SLC7A14: variants seen among roughly 807,000 people sequenced by gnomAD.
The protein encoded by SLC7A14 is solute carrier family 7 member 14.
In SLC7A14, 37 loss-of-function variants were observed where a neutral mutation model predicts 60.2. The observed-to-expected ratio is 0.61, with a 90% CI of 0.47 to 0.81. SLC7A14 has a LOEUF of 0.81. Among genes scored for constraint, SLC7A14 ranks in the 30% least tolerant of loss-of-function variants. The probability of loss-of-function intolerance (pLI) is 0.00; values close to 1 mark genes in which losing one functional copy is unlikely to be tolerated. For missense variants in SLC7A14, 886 were observed against 982.7 expected, an observed-to-expected ratio of 0.90 and a Z score of 1.32; for synonymous variants, 399 against 395.8, an observed-to-expected ratio of 1.01 and a Z score of -0.10.
chr3:170,496,047 A>C, intron 4 of SLC7A14: 2 of 1,260,972 alleles, frequency 1.6e-6, no homozygotes, highest in South Asian at 2.4e-5. Flanking sequence ...AGCTTACATG[A>C]ACAAGGCAGA....
Position 170,498,705 on chromosome 3 carries a change from A to G in SLC7A14, c.721T>C (p.Trp241Arg), listed in dbSNP as rs764221640. The G allele has an allele frequency of 1.2e-6, 2 of 1,614,086 alleles. No individual in the cohort carries two copies. The highest frequency in any genetic ancestry group is 1.7e-5 in the Admixed American group (1 of 60,008). ...TGGGGCAAGAACTGGCCCTCCGCCCAGTATTTCCCATTGATGAAGAAGAGG... is the reference window on the plus strand; with the variant it reads ...TGGGGCAAGAACTGGCCCTCCGCCCGGTATTTCCCATTGATGAAGAAGAGG... ...AGLFFINGKY[W>R]AEGQFLPHGW... is the part of the protein sequence containing the mutation. Residue 241 changes from tryptophan (W) to arginine (R), a missense_variant, in exon 4 of 8, where the codon TGG becomes CGG. Coordinates refer to ENST00000231706, the MANE Select transcript of SLC7A14 (RefSeq NM_020949.3).
At chr3:170,567,850 G>C (rs1166485509) in intron 1 of SLC7A14, among the ~76,000 whole-genome samples, 9 of 151,726 alleles carry the variant, frequency 5.9e-5, no homozygotes, top group African/African-American at 1.9e-4. Context: ...ACTTTTTGAT[G>C]GGGTTGTTTT....
intron 1 of SLC7A14, among the ~76,000 whole-genome samples, chr3:170,563,533 G>A (rs7624729): frequency 6.6e-6 from 1 of 151,236 alleles, no homozygotes; most frequent in Non-Finnish European, 1.5e-5. Context: ...TTCTCCAGCC[G>A]CAGCCTCCTG....
chr3:170,509,845 G>A (rs575698018), intron 2 of SLC7A14, among the ~76,000 whole-genome samples: 10 of 150,542 alleles, frequency 6.6e-5, no homozygotes, highest in East Asian at 2.0e-4. Context: ...TTGGGAGGCC[G>A]AGGTGGGTGG....
rs541351444 is a variant in SLC7A14 at position 170,459,798 on chromosome 3, T to C, written c.*7257A>G. 1.3e-5 allele frequency: 2 copies of C among 151,934 alleles called. No homozygotes were observed. The highest frequency in any genetic ancestry group is 4.8e-5 in the African/African-American group (2 of 41,488). The allele number at this position is 151,934 out of a possible 1,614,324, so 9.4% of individuals were successfully genotyped here. A position where few individuals can be genotyped will look rare whatever the true frequency, so the allele number is the denominator to read the frequency against. On this transcript the variant is annotated 3_prime_UTR_variant, in exon 8 of 8. Coordinates refer to ENST00000231706, the MANE Select transcript of SLC7A14 (RefSeq NM_020949.3). ...GAAGGCTCCTTTTTCTTTTCTTTCT[T>C]TTTTTTTGGTAGTCTCGTGTAAAAG...
chr3:170,540,881 C>T (rs540703743), intron 1 of SLC7A14, among the ~76,000 whole-genome samples: 45 of 152,166 alleles, frequency 3.0e-4, no homozygotes, highest in African/African-American at 1.0e-3. Context: ...GAATGTATTC[C>T]TCATAGAGCC....
intron 1 of SLC7A14, among the ~76,000 whole-genome samples, chr3:170,555,661 A>G (rs947661614): frequency 1.3e-5 from 2 of 152,186 alleles, no homozygotes; most frequent in Non-Finnish European, 2.9e-5. Flanking sequence ...GCATGTGACT[A>G]TACTAATACT....
intron 1 of SLC7A14, among the ~76,000 whole-genome samples, chr3:170,529,794 G>T (rs572527267): frequency 4.7e-4 from 72 of 152,268 alleles, no homozygotes; most frequent in African/African-American, 1.6e-3. Context: ...TAGTCCATAT[G>T]ACTGATGTCC....
At chr3:170,558,881 T>C (rs1577561896) in intron 1 of SLC7A14, among the ~76,000 whole-genome samples, 1 of 152,164 alleles carries the variant, frequency 6.6e-6, no homozygotes, top group Admixed American at 6.6e-5. Context: ...GAAGAGGTGG[T>C]CATTCCTTCC....
intron 2 of SLC7A14, among the ~76,000 whole-genome samples, chr3:170,517,181 A>G (rs978588615): frequency 6.6e-6 from 1 of 152,234 alleles, no homozygotes; most frequent in African/African-American, 2.4e-5. Context: ...AATATGAACT[A>G]ACATTTATCA....
chr3:170,554,078 C>A (rs1714423707), intron 1 of SLC7A14, among the ~76,000 whole-genome samples: 1 of 151,932 alleles, frequency 6.6e-6, no homozygotes, highest in African/African-American at 2.4e-5. Flanking sequence ...TGGTGTGACT[C>A]TGATAGTCAG....
Position 170,466,904 on chromosome 3 carries a change from A to G in SLC7A14, c.*151T>C, listed in dbSNP as rs1639765323. 7 of 687,878 alleles carry G rather than the reference A, an allele frequency of 1.0e-5. No homozygotes were observed. The highest frequency in any genetic ancestry group is 7.5e-5 in the South Asian group (4 of 53,586). 42.6% of individuals were successfully genotyped at this position (687,878 alleles called of 1,614,324 possible). A position where few individuals can be genotyped will look rare whatever the true frequency, so the allele number is the denominator to read the frequency against. On this transcript the variant is annotated 3_prime_UTR_variant, in exon 8 of 8. Transcript: ENST00000231706. ...CTTCAACAGAACTATCCTGAAGAGCAAAAGTAGCAAATGACAGGCTATGAC... is the reference window on the plus strand; with the variant it reads ...CTTCAACAGAACTATCCTGAAGAGCGAAAGTAGCAAATGACAGGCTATGAC...
chr3:170,504,299 G>A (rs1479503884), intron 2 of SLC7A14, among the ~76,000 whole-genome samples: 1 of 151,878 alleles, frequency 6.6e-6, no homozygotes, highest in Non-Finnish European at 1.5e-5. Context: ...GCATGGAAAT[G>A]GAATTTTATT....
chr3:170,566,218 C>G (rs1714782453), intron 1 of SLC7A14, among the ~76,000 whole-genome samples: 1 of 152,126 alleles, frequency 6.6e-6, no homozygotes, highest in African/African-American at 2.4e-5. Context: ...TCCAAGCATG[C>G]AAAGCTCATC....
At chr3:170,514,771 C>T (rs978846478) in intron 2 of SLC7A14, among the ~76,000 whole-genome samples, 6 of 152,156 alleles carry the variant, frequency 3.9e-5, no homozygotes, top group Non-Finnish European at 7.4e-5. Context: ...CTCATTTGCA[C>T]TAAGAACCTA....
intron 7 of SLC7A14, among the ~76,000 whole-genome samples, chr3:170,473,737 A>G (rs1560248336): frequency 6.6e-6 from 1 of 152,198 alleles, no homozygotes; most frequent in Non-Finnish European, 1.5e-5. Flanking sequence ...TATAATAACA[A>G]CAAGGCTTGT....
chr3:170,481,184 G>T lies in SLC7A14; in HGVS notation c.1116-18C>A. The stretch of plus-strand genomic sequence containing the variant: ...CCAGGAACCTGGAGGGGCCGGGCAA[G>T]CAGAGGGTTAATGGTGAGCTACAGT... On this transcript the variant is annotated intron_variant, in intron 6 of 7. Coordinates refer to ENST00000231706, the MANE Select transcript of SLC7A14 (RefSeq NM_020949.3). 2 of 1,605,610 alleles carry T rather than the reference G, an allele frequency of 1.2e-6. No individual in the cohort carries two copies. Among genetic ancestry groups the T allele is most frequent in the Non-Finnish European group, 1.7e-6 (2 of 1,176,186 alleles).
chr3:170,529,328 A>G (rs1713605637), intron 1 of SLC7A14, among the ~76,000 whole-genome samples: 1 of 152,228 alleles, frequency 6.6e-6, no homozygotes, highest in Non-Finnish European at 1.5e-5. Flanking sequence ...GTTTTGCTTA[A>G]CAATATGTTA....
intron 2 of SLC7A14, among the ~76,000 whole-genome samples, chr3:170,522,126 T>C (rs949129040): frequency 9.9e-5 from 15 of 152,040 alleles, no homozygotes; most frequent in African/African-American, 3.4e-4. Flanking sequence ...AAAACAACCA[T>C]GAAAAACCAC....
Sources: gnomAD v4.1 joint callset for allele counts (sites outside exome capture counted in the v4.1 genomes callset) on GRCh38, gnomAD v4.1.1 for gene constraint, MANE v1.5 for transcripts, NCBI Gene and HGNC (gene_info 2026-07-23, HGNC 2026-07-21) for gene names.